CTNNA2: variants seen among roughly 807,000 people sequenced by gnomAD.
CTNNA2 encodes the protein catenin alpha-2.
In CTNNA2, 42 loss-of-function variants were observed where a neutral mutation model predicts 101.0. The observed-to-expected ratio is 0.42, with a 90% CI of 0.32 to 0.54. The LOEUF (loss-of-function observed/expected upper bound fraction) is 0.54. Ranked by LOEUF, CTNNA2 falls within the 20% of genes least tolerant of loss-of-function variation. CTNNA2 has a pLI of 0.14. For missense variants in CTNNA2, 871 were observed against 1,223.1 expected (o/e 0.71, Z 4.29); for synonymous variants, 450 against 456.4 (o/e 0.99, Z 0.18).
chr2:79,195,544 C>T lies in CTNNA2; in HGVS notation c.-523-2415C>T, dbSNP rs149538869. ...ACCAGTCTCAGTTTAGTCCTACTAA[C>T]CAAAAGAAATGTATTTGCTGCCTGC... is the stretch of plus-strand genomic sequence containing the variant. On this transcript the variant is annotated intron_variant, in intron 1 of 21. Coordinates refer to the CTNNA2 transcript ENST00000466387. 4.5e-3 allele frequency among the ~76,000 whole-genome samples: 678 copies of T among 152,256 alleles called. 7 individuals carry two copies. The highest frequency in any genetic ancestry group is 0.015 in the African/African-American group (644 of 41,552).
At chr2:79,324,987 C>T (rs1676713307) in intron 3 of CTNNA2, among the ~76,000 whole-genome samples, 1 of 152,126 alleles carries the variant, frequency 6.6e-6, no homozygotes, top group African/African-American at 2.4e-5. Context: ...TACATAAATC[C>T]ACCACCCTTC....
intron 7 of CTNNA2, among the ~76,000 whole-genome samples, chr2:80,330,564 G>C (rs1671228492): frequency 6.6e-6 from 1 of 151,524 alleles, no homozygotes; most frequent in Non-Finnish European, 1.5e-5. Flanking sequence ...TTCATTTGAA[G>C]GCAAGCTGAC....
At chr2:79,422,518 A>G (rs1234037453) in intron 4 of CTNNA2, among the ~76,000 whole-genome samples, 1 of 152,166 alleles carries the variant, frequency 6.6e-6, no homozygotes, top group Non-Finnish European at 1.5e-5. Flanking sequence ...GCAGTCTTCC[A>G]TGGTTTTCTT....
chr2:79,559,041 A>G (rs548778341), intron 1 of CTNNA2, among the ~76,000 whole-genome samples: 3 of 151,984 alleles, frequency 2.0e-5, no homozygotes, highest in African/African-American at 7.2e-5. Flanking sequence ...TCATACACTC[A>G]GCACCTATTA....
chr2:79,708,498 T>C (rs899390656), intron 2 of CTNNA2, among the ~76,000 whole-genome samples: 3 of 152,200 alleles, frequency 2.0e-5, no homozygotes, highest in African/African-American at 7.2e-5. Flanking sequence ...ATGTCTTAAA[T>C]CTTTTGTCTA....
At chr2:79,563,279 A>G (rs943002234) in intron 1 of CTNNA2, among the ~76,000 whole-genome samples, 7 of 151,598 alleles carry the variant, frequency 4.6e-5, no homozygotes, top group Non-Finnish European at 1.0e-4. Context: ...TATTTATATA[A>G]TTTATGATGG....
At chr2:80,466,791 G>A (rs1684890766) in intron 9 of CTNNA2, among the ~76,000 whole-genome samples, 1 of 152,148 alleles carries the variant, frequency 6.6e-6, no homozygotes, top group Non-Finnish European at 1.5e-5. Context: ...AGAGTTCAAT[G>A]AAAATAAGAT....
intron 7 of CTNNA2, among the ~76,000 whole-genome samples, chr2:79,973,650 A>G (rs1690644041): frequency 6.6e-6 from 1 of 152,214 alleles, no homozygotes; most frequent in Non-Finnish European, 1.5e-5. Context: ...TTATTCAGGA[A>G]TAGGGCATTG....
At chr2:80,356,626 A>G (rs905217752) in intron 7 of CTNNA2, among the ~76,000 whole-genome samples, 2 of 152,126 alleles carry the variant, frequency 1.3e-5, no homozygotes, top group African/African-American at 4.8e-5. Flanking sequence ...CTGTCATGGG[A>G]AAAAATAATA....
intron 2 of CTNNA2, among the ~76,000 whole-genome samples, chr2:79,311,320 A>G (rs1055298157): frequency 6.7e-6 from 1 of 150,142 alleles, no homozygotes; most frequent in Non-Finnish European, 1.5e-5. Flanking sequence ...GAGGCAGGAG[A>G]ATGGCGTGAA....
At chr2:79,583,206 C>CATAT (rs564813016) in intron 1 of CTNNA2, among the ~76,000 whole-genome samples, 4 of 149,292 alleles carry the variant, frequency 2.7e-5, no homozygotes, top group South Asian at 2.1e-4. Flanking sequence ...GATATACACA[C>CATAT]ATATATATAT....
chr2:80,001,524 G>A (rs1330844974), intron 7 of CTNNA2, among the ~76,000 whole-genome samples: 2 of 152,130 alleles, frequency 1.3e-5, no homozygotes, highest in Non-Finnish European at 2.9e-5. Context: ...CAATTTATAG[G>A]AGAAATGGAG....
At chr2:80,006,664 C>A (rs1693375527) in intron 7 of CTNNA2, among the ~76,000 whole-genome samples, 1 of 152,142 alleles carries the variant, frequency 6.6e-6, no homozygotes, top group Non-Finnish European at 1.5e-5. Flanking sequence ...AATGAAACAT[C>A]TAACAGGAGA....
intron 7 of CTNNA2, among the ~76,000 whole-genome samples, chr2:80,235,267 A>G (rs1709483359): frequency 6.6e-6 from 1 of 152,202 alleles, no homozygotes; most frequent in Admixed American, 6.5e-5. Context: ...GATTTCCATA[A>G]TTAACTCTAG....
intron 7 of CTNNA2, among the ~76,000 whole-genome samples, chr2:80,383,068 T>C (rs760707946): frequency 4.6e-5 from 7 of 152,178 alleles, no homozygotes; most frequent in Admixed American, 2.0e-4. Flanking sequence ...GGTATGTGGT[T>C]AATTAACCCC....
intron 4 of CTNNA2, among the ~76,000 whole-genome samples, chr2:79,864,844 A>G (rs888607992): frequency 6.6e-6 from 1 of 152,184 alleles, no homozygotes; most frequent in Non-Finnish European, 1.5e-5. Context: ...GACTTCTGAC[A>G]GGTTATACAA....
rs1180693251 is a variant in CTNNA2, at chr2:80,394,882, AG to A, written c.1137+1593del. 1.1e-4 allele frequency among the ~76,000 whole-genome samples: 16 copies of A among 152,286 alleles called. No homozygotes were observed. The Middle Eastern group carries it at 0.01, about 97-fold the overall frequency. ...TTAAAAGCAGTGGGAGGACATCTCC[AG>A]GTCTTGCCTTTGGCTAGATTGTCAA... is the stretch of plus-strand genomic sequence containing the variant. On this transcript the variant is annotated intron_variant, in intron 8 of 18. Coordinates refer to ENST00000402739, the MANE Select transcript of CTNNA2 (RefSeq NM_001282597.3).
At chr2:79,408,090 G>T (rs1410875648) in intron 4 of CTNNA2, among the ~76,000 whole-genome samples, 2 of 151,864 alleles carry the variant, frequency 1.3e-5, no homozygotes, top group Non-Finnish European at 2.9e-5. Context: ...GCAGTCAGTG[G>T]ATGATTCCTA....
chr2:80,387,913 G>A (rs1055303430), intron 7 of CTNNA2, among the ~76,000 whole-genome samples: 2 of 152,196 alleles, frequency 1.3e-5, no homozygotes, highest in African/African-American at 4.8e-5. Context: ...AATGTAGAGA[G>A]TAGTCCCGCC....
Sources: gnomAD v4.1 joint callset for allele counts (sites outside exome capture counted in the v4.1 genomes callset) on GRCh38, gnomAD v4.1.1 for gene constraint, MANE v1.5 for transcripts, NCBI Gene and HGNC (gene_info 2026-07-23, HGNC 2026-07-21) for gene names.